Variants in SNRPF observed in about 807,000 individuals in gnomAD.
SNRPF encodes the protein small nuclear ribonucleoprotein F.
Under a neutral mutation model 13.4 loss-of-function variants are expected in SNRPF, and 1 was observed. The observed-to-expected ratio is 0.07, with a 90% CI of 0.03 to 0.35. The LOEUF is 0.35. Among genes scored for constraint, SNRPF ranks in the 10% least tolerant of loss-of-function variants. The pLI is 0.99. For synonymous variants in SNRPF, 27 were observed against 32.1 expected (o/e 0.84, Z 0.54); for missense variants, 53 against 101.0 (o/e 0.52, Z 2.04).
At chr12:95,860,340 C>A (rs1310398603) in intron 1 of SNRPF, among the ~76,000 whole-genome samples, 1 of 152,188 alleles carries the variant, frequency 6.6e-6, no homozygotes, top group East Asian at 1.9e-4. Context: ...AAGTAGCTAG[C>A]CTTGCCTGGA....
Position 95,859,001 on chromosome 12 carries a change from C to T in SNRPF, c.-73C>T, listed in dbSNP as rs2079478809. The T allele has an allele frequency of 3.1e-6, 5 of 1,600,866 alleles. No individual in the cohort carries two copies. The highest frequency in any genetic ancestry group is 3.4e-6 in the Non-Finnish European group (4 of 1,175,298). ...AACTGCGGCTCGGGACCTGCGGTAC[C>T]TGCTGTAGTCACGAGGGACGGGCGG... On this transcript the variant is annotated 5_prime_UTR_variant, in exon 1 of 4. Coordinates refer to ENST00000266735, the MANE Select transcript of SNRPF (RefSeq NM_003095.5).
intron 2 of SNRPF, among the ~76,000 whole-genome samples, chr12:95,863,152 C>T (rs2079504005): frequency 6.6e-6 from 1 of 152,032 alleles, no homozygotes; most frequent in Non-Finnish European, 1.5e-5. Context: ...CTATGATTTT[C>T]CTTAACTTAG....
At chr12:95,862,540 G>A (rs2079500942) in intron 2 of SNRPF, among the ~76,000 whole-genome samples, 1 of 152,064 alleles carries the variant, frequency 6.6e-6, no homozygotes, top group African/African-American at 2.4e-5. Flanking sequence ...TAGTGAAACT[G>A]CATCTCTACA....
At chr12:95,865,862 TA>T in intron 3 of SNRPF, 142 bp from the exon 4 acceptor site, 1 of 365,682 alleles carries the variant, frequency 2.7e-6, no homozygotes, top group Non-Finnish European at 5.0e-6. Flanking sequence ...AACTTTTTTT[TA>T]AAATGAATAT....
chr12:95,865,487 T>TA (rs1034708023), intron 3 of SNRPF, 99 bp downstream of exon 3: 10 of 579,420 alleles, frequency 1.7e-5, no homozygotes, highest in East Asian at 8.4e-5. Context: ...TACTTTTTTT[T>TA]AAAAAATCAC....
intron 1 of SNRPF, among the ~76,000 whole-genome samples, chr12:95,859,683 G>A (rs938936128): frequency 1.3e-5 from 2 of 152,094 alleles, no homozygotes; most frequent in African/African-American, 4.8e-5. Flanking sequence ...TAAGACCTGC[G>A]GCCGGAAAGA....
intron 2 of SNRPF, among the ~76,000 whole-genome samples, chr12:95,863,233 A>G (rs974588614): frequency 2.0e-5 from 3 of 152,204 alleles, no homozygotes; most frequent in African/African-American, 7.2e-5. Context: ...TTCCTTAAAC[A>G]GGAGTCATTT....
intron 1 of SNRPF, among the ~76,000 whole-genome samples, chr12:95,860,590 C>G (rs2079490846): frequency 6.6e-6 from 1 of 152,152 alleles, no homozygotes; most frequent in Admixed American, 6.5e-5. Context: ...CAAGGTCTTG[C>G]TCTGTTGCCC....
At position 95,861,158 on chromosome 12, in the gene SNRPF, CT is replaced by C; in HGVS notation, c.4-7del. ...ATAATTAATTAGATCCTTTTTTGTT[CT>C]TTGTGCAGAGTTTACCCCTCAATCC... On this transcript the variant is annotated splice_polypyrimidine_tract_variant and intron_variant, in intron 1 of 3. Coordinates refer to ENST00000266735, the MANE Select transcript of SNRPF (RefSeq NM_003095.5). 6.3e-7 allele frequency: 1 copy of C among 1,591,276 alleles called. No individual in the cohort carries two copies. The highest frequency in any genetic ancestry group is 8.5e-7 in the Non-Finnish European group (1 of 1,172,000).
intron 2 of SNRPF, 173 bp downstream of exon 2, chr12:95,861,466 C>G: frequency 2.2e-6 from 1 of 455,574 alleles, no homozygotes; most frequent in Non-Finnish European, 3.8e-6. Context: ...AGGTACAAGA[C>G]ATGGACTTAA....
In SNRPF at chr12:95,865,378, G is replaced by T; in HGVS notation, c.184G>T (p.Val62Phe). The change falls in exon 3 of 4, where the codon GTT (valine) becomes TTT (phenylalanine). Residue 62 changes from valine (V) to phenylalanine (F), a missense_variant. Transcript: ENST00000266735. ...DGALSGHLGEVLIRCNNVLYI... is the reference protein window; with the variant it reads ...DGALSGHLGEFLIRCNNVLYI... ...AGCTTTGTCTGGACATCTGGGTGAA[G>T]TTTTAATAAGGTAACAAACAGCAGT... The T allele has an allele frequency of 6.5e-7, 1 of 1,538,790 alleles. No individual in the cohort carries two copies. The highest frequency in any genetic ancestry group is 9.0e-7 in the Non-Finnish European group (1 of 1,112,704).
rs1430103774 is a variant in SNRPF, at chr12:95,861,233, T to C, written c.69T>C (p.Leu23=). The C allele has an allele frequency of 6.2e-7, 1 of 1,612,550 alleles. No homozygotes were observed. Among genetic ancestry groups the C allele is most frequent in the South Asian group, 1.1e-5 (1 of 91,038 alleles). The change falls in exon 2 of 4, where the codon CTT becomes CTC. Residue 23 remains leucine (L), a synonymous_variant. Transcript: ENST00000266735. ...CAGGAAAGCCAGTGATGGTGAAACT[T>C]AAGTGGGGAATGGAGTACAAGGGCT... ...GLTGKPVMVK[L]KWGMEYKGYL... is the part of the protein sequence containing the mutation.
At chr12:95,860,411 T>C (rs1483733563) in intron 1 of SNRPF, among the ~76,000 whole-genome samples, 2 of 152,234 alleles carry the variant, frequency 1.3e-5, no homozygotes, top group Non-Finnish European at 2.9e-5. Flanking sequence ...GTATTACTTA[T>C]TTCAGGCAAC....
intron 2 of SNRPF, among the ~76,000 whole-genome samples, chr12:95,863,143 T>A (rs1235686946): frequency 6.6e-6 from 1 of 152,182 alleles, no homozygotes; most frequent in Non-Finnish European, 1.5e-5. Flanking sequence ...GGCAGAGAGC[T>A]ATGATTTTCC....
chr12:95,860,154 C>T (rs1159678902), intron 1 of SNRPF, among the ~76,000 whole-genome samples: 3 of 152,298 alleles, frequency 2.0e-5, no homozygotes, highest in Middle Eastern at 3.4e-3. Flanking sequence ...AAGTAAGAGG[C>T]GGTGCTACTG....
chr12:95,859,673 TA>T (rs1222481741), intron 1 of SNRPF, among the ~76,000 whole-genome samples: 1 of 152,072 alleles, frequency 6.6e-6, no homozygotes, highest in African/African-American at 2.4e-5. Context: ...AATAGGAGCA[TA>T]AGACCTGCGG....
intron 3 of SNRPF, 61 bp from the exon 4 acceptor site, chr12:95,865,944 G>A: frequency 2.9e-6 from 2 of 690,966 alleles, no homozygotes; most frequent in Non-Finnish European, 5.0e-6. Flanking sequence ...TAAAAATATA[G>A]TAATTCATAT....
At position 95,865,250 on chromosome 12, in the gene SNRPF, T is replaced by C. The variant is rs2079515171; in HGVS notation, c.130-74T>C. The stretch of plus-strand genomic sequence containing the variant: ...TAGAAAGGTCTCAGTTAATGAGTTC[T>C]CTCACCAATATTAGCTGTATTGTAA... On this transcript the variant is annotated intron_variant, in intron 2 of 3. Transcript: ENST00000266735. 5.8e-6 allele frequency: 4 copies of C among 690,982 alleles called. No homozygotes were observed. In the Admixed American group the frequency reaches 8.3e-5, roughly 14 times the overall value. The allele number at this position is 690,982 out of a possible 1,614,324, so 42.8% of individuals were successfully genotyped here.
Position 95,866,073 on chromosome 12 carries a change from A to G in SNRPF, c.*2A>G. 1 of 1,438,156 alleles carries G rather than the reference A, an allele frequency of 7.0e-7. No homozygotes were observed. Among genetic ancestry groups the G allele is most frequent in the Non-Finnish European group, 9.6e-7 (1 of 1,038,882 alleles). The allele number at this position is 1,438,156 out of a possible 1,614,324, so 89.1% of individuals were successfully genotyped here. On this transcript the variant is annotated 3_prime_UTR_variant, in exon 4 of 4. Transcript: ENST00000266735. ...GAAGATGGGGAAATGAGAGAATAGC[A>G]TCTTTTGTGGGGGATTTTTTTTATA...
Sources: gnomAD v4.1 joint callset for allele counts (sites outside exome capture counted in the v4.1 genomes callset) on GRCh38, gnomAD v4.1.1 for gene constraint, MANE v1.5 for transcripts, NCBI Gene and HGNC (gene_info 2026-07-23, HGNC 2026-07-21) for gene names.